Variants in DYM observed in about 807,000 individuals in gnomAD.
The protein encoded by DYM is dymeclin.
DYM carries 78 observed loss-of-function variants against 93.1 expected under a neutral mutation model. That is an observed-to-expected ratio of 0.84 (90% CI 0.70 to 1.01). The LOEUF (loss-of-function observed/expected upper bound fraction) is 1.01, where lower values mean the gene tolerates loss of function less well. DYM is among the 50% of genes least tolerant of loss of function. The probability of loss-of-function intolerance (pLI) is 0.00; values close to 1 mark genes in which losing one functional copy is unlikely to be tolerated. For synonymous variants in DYM, 321 were observed against 319.7 expected (o/e 1.00, Z -0.04); for missense variants, 789 against 845.0 (o/e 0.93, Z 0.82).
intron 2 of DYM, among the ~76,000 whole-genome samples, chr18:49,394,461 C>T (rs928419508): frequency 1.3e-5 from 2 of 151,978 alleles, no homozygotes; most frequent in East Asian, 1.9e-4. Context: ...AATCAGGTAA[C>T]GTAATGTCTC....
chr18:49,356,443 G>T (rs1221843475), intron 6 of DYM, among the ~76,000 whole-genome samples: 1 of 152,120 alleles, frequency 6.6e-6, no homozygotes, highest in Non-Finnish European at 1.5e-5. Flanking sequence ...AATTCATTCA[G>T]AAAGCTATAC....
At chr18:49,152,424 T>C (rs866468742) in intron 15 of DYM, among the ~76,000 whole-genome samples, 32 of 152,214 alleles carry the variant, frequency 2.1e-4, no homozygotes, top group Middle Eastern at 6.8e-3. Flanking sequence ...AGCACGAAAA[T>C]TGGTTGTCTT....
rs191033274 is a variant in DYM at position 49,421,164 on chromosome 18, C to T, written c.140+9091G>A. 3.2e-3 allele frequency among the ~76,000 whole-genome samples: 488 copies of T among 152,276 alleles called. 2 individuals carry two copies. The highest frequency in any genetic ancestry group is 5.8e-3 in the Non-Finnish European group (394 of 68,024). On this transcript the variant is annotated intron_variant, in intron 2 of 17. Coordinates refer to ENST00000675505, the MANE Select transcript of DYM (RefSeq NM_001353214.3). ...GAAGAGAGTAGTGGTTCTCCCAGCA[C>T]GGAGTTTGAGATCTGAGAATGGACA...
chr18:49,380,815 T>G (rs544300266), intron 3 of DYM, among the ~76,000 whole-genome samples: 10 of 152,296 alleles, frequency 6.6e-5, no homozygotes, highest in African/African-American at 2.4e-4. Context: ...GCAAACACAG[T>G]CTTTTTCCTT....
chr18:49,318,797 C>CTTTTT (rs932617888), intron 8 of DYM, among the ~76,000 whole-genome samples: 124 of 114,344 alleles, frequency 1.1e-3, no homozygotes, highest in Non-Finnish European at 1.6e-3. Flanking sequence ...ATTTCTTTTT[C>CTTTTT]TTTTTTTTTT....
chr18:49,325,886 G>A (rs2062841835), intron 8 of DYM, among the ~76,000 whole-genome samples: 1 of 152,168 alleles, frequency 6.6e-6, no homozygotes. Context: ...GAATACACGA[G>A]GAGGGGTCCA....
chr18:49,348,839 G>C, intron 6 of DYM, among the ~76,000 whole-genome samples: 1 of 150,002 alleles, frequency 6.7e-6, no homozygotes, highest in East Asian at 2.0e-4. Flanking sequence ...AACCCGGGAG[G>C]TGGAGATTGC....
chr18:49,250,925 G>A (rs1252082437), intron 13 of DYM, among the ~76,000 whole-genome samples: 1 of 152,232 alleles, frequency 6.6e-6, no homozygotes, highest in Non-Finnish European at 1.5e-5. Context: ...GTCACTTTAA[G>A]AAAGGGATCC....
chr18:49,121,265 T>C (rs1391835719), intron 15 of DYM, among the ~76,000 whole-genome samples: 1 of 152,096 alleles, frequency 6.6e-6, no homozygotes, highest in Admixed American at 6.6e-5. Context: ...ATGCCTTAAA[T>C]AGGTTTCAAT....
chr18:49,238,164 G>A (rs936610243), intron 13 of DYM, among the ~76,000 whole-genome samples: 10 of 151,996 alleles, frequency 6.6e-5, no homozygotes, highest in East Asian at 3.9e-4. Flanking sequence ...ATTTTGAGAC[G>A]GTCTGTTTCC....
intron 15 of DYM, among the ~76,000 whole-genome samples, chr18:49,156,516 G>C (rs1318019835): frequency 6.6e-6 from 1 of 152,072 alleles, no homozygotes; most frequent in African/African-American, 2.4e-5. Context: ...TGGATCACCT[G>C]AGGTCAGGAG....
At chr18:49,223,558 G>C (rs1021364558) in intron 13 of DYM, among the ~76,000 whole-genome samples, 1 of 152,010 alleles carries the variant, frequency 6.6e-6, no homozygotes, top group African/African-American at 2.4e-5. Context: ...ATGTGAATAT[G>C]GGTTTTGAAT....
intron 15 of DYM, among the ~76,000 whole-genome samples, chr18:49,128,062 A>C (rs1306993105): frequency 6.6e-6 from 1 of 152,244 alleles, no homozygotes. Flanking sequence ...AAGGCACTGG[A>C]GGCAGTGACA....
At chr18:49,441,162 ATATAT>A in intron 1 of DYM, among the ~76,000 whole-genome samples, 2 of 21,822 alleles carry the variant, frequency 9.2e-5, no homozygotes, top group Non-Finnish European at 1.5e-4. Context: ...AATATATATT[ATATAT>A]TATATAATTA....
At chr18:49,378,421 AAAAG>A in intron 5 of DYM, 142 bp downstream of exon 5, 1 of 803,718 alleles carries the variant, frequency 1.2e-6, no homozygotes, top group Non-Finnish European at 1.9e-6. Context: ...TTAACACAGA[AAAAG>A]AAAAAATGAC....
intron 8 of DYM, among the ~76,000 whole-genome samples, chr18:49,324,084 T>C (rs2062707428): frequency 8.1e-6 from 1 of 123,558 alleles, no homozygotes; most frequent in African/African-American, 3.1e-5. Flanking sequence ...GCAGTGAGCT[T>C]ACATCATGTC....
rs538308021 is a variant in DYM at position 49,259,900 on chromosome 18, GTAAA to G, written c.1252-1411_1252-1408del. The stretch of plus-strand genomic sequence containing the variant: ...GTGTTCATAATAAAAACTTTATAAA[GTAAA>G]TAAATAAATAATAAACTGTGAAACT... On this transcript the variant is annotated intron_variant, in intron 11 of 17. Transcript: ENST00000675505. 5.9e-5 allele frequency among the ~76,000 whole-genome samples: 9 copies of G among 152,116 alleles called. No homozygotes were observed. The East Asian group carries it at 1.7e-3, about 29-fold the overall frequency.
chr18:49,314,812 T>C (rs1190627857), intron 8 of DYM, among the ~76,000 whole-genome samples: 1 of 152,166 alleles, frequency 6.6e-6, no homozygotes, highest in Non-Finnish European at 1.5e-5. Flanking sequence ...TCTGTACATC[T>C]CTGGAAGTTA....
intron 10 of DYM, among the ~76,000 whole-genome samples, chr18:49,274,239 G>A (rs1186732617): frequency 6.6e-6 from 1 of 152,006 alleles, no homozygotes; most frequent in East Asian, 1.9e-4. Flanking sequence ...CGTATGAATA[G>A]AATCATACAC....
Sources: allele counts gnomAD v4.1 joint callset (sites outside exome capture counted in the v4.1 genomes callset), GRCh38; gene constraint gnomAD v4.1.1; transcripts MANE v1.5; gene names NCBI Gene and HGNC (gene_info 2026-07-23, HGNC 2026-07-21).